ADAM18: variants seen among roughly 807,000 people sequenced by gnomAD.
ADAM18 encodes disintegrin and metalloproteinase domain-containing protein 18.
A neutral mutation model predicts 94.4 loss-of-function variants in ADAM18; 117 were observed. The ratio of observed to expected loss-of-function variants is 1.24; its 90% CI spans 1.07 to 1.45. ADAM18 has a LOEUF of 1.45. Among genes scored for constraint, ADAM18 ranks in the 40% most tolerant of loss-of-function variants. The probability of loss-of-function intolerance (pLI) is 0.00; values close to 1 mark genes in which losing one functional copy is unlikely to be tolerated. For missense variants in ADAM18, 936 were observed against 880.0 expected (o/e 1.06, Z -0.81); for synonymous variants, 327 against 291.6 (o/e 1.12, Z -1.24).
At chr8:39,710,299 A>C (rs77865013) in intron 18 of ADAM18, among the ~76,000 whole-genome samples, 4,744 of 152,320 alleles carry the variant, frequency 0.031, 253 homozygotes, top group African/African-American at 0.11. Context: ...ACATTTGAGA[A>C]AGGAAAAATA....
chr8:39,596,191 C>T (rs1272087335), intron 2 of ADAM18, among the ~76,000 whole-genome samples: 2 of 152,170 alleles, frequency 1.3e-5, no homozygotes, highest in Non-Finnish European at 2.9e-5. Context: ...TCTATATTGA[C>T]ACATCATCAC....
At chr8:39,716,564 A>C (rs1283922363) in intron 18 of ADAM18, among the ~76,000 whole-genome samples, 1 of 151,922 alleles carries the variant, frequency 6.6e-6, no homozygotes, top group African/African-American at 2.4e-5. Flanking sequence ...GAAGATACTT[A>C]TTCTGATTTC....
At chr8:39,723,221 GAT>G (rs539451008) in intron 18 of ADAM18, among the ~76,000 whole-genome samples, 121 of 151,444 alleles carry the variant, frequency 8.0e-4, no homozygotes, top group Admixed American at 1.6e-3. Context: ...TGAGTGGAAA[GAT>G]ATACACATAC....
intron 6 of ADAM18, among the ~76,000 whole-genome samples, chr8:39,612,291 T>C (rs1819302145): frequency 6.6e-6 from 1 of 152,098 alleles, no homozygotes; most frequent in African/African-American, 2.4e-5. Context: ...GTAGACCCTG[T>C]GCTGAATGGG....
chr8:39,641,640 G>GT (rs1434365509), intron 10 of ADAM18, among the ~76,000 whole-genome samples: 1 of 151,934 alleles, frequency 6.6e-6, no homozygotes, highest in Non-Finnish European at 1.5e-5. Flanking sequence ...GTGGTATTTG[G>GT]TTTTCTGTTC....
At chr8:39,652,393 G>A (rs1043973935) in intron 12 of ADAM18, among the ~76,000 whole-genome samples, 3 of 152,078 alleles carry the variant, frequency 2.0e-5, no homozygotes, top group African/African-American at 7.2e-5. Flanking sequence ...GACCTGAATA[G>A]ACATTGCTCA....
At chr8:39,616,511 A>G (rs1819445381) in intron 6 of ADAM18, among the ~76,000 whole-genome samples, 1 of 152,228 alleles carries the variant, frequency 6.6e-6, no homozygotes, top group Non-Finnish European at 1.5e-5. Flanking sequence ...ACGCAATTAG[A>G]CAAAACTATT....
intron 11 of ADAM18, 46 bp downstream of exon 11, chr8:39,645,520 G>T: frequency 3.9e-6 from 6 of 1,545,264 alleles, no homozygotes; most frequent in Non-Finnish European, 5.2e-6. Context: ...TTATAAGGTT[G>T]TTTCCAAAAT....
chr8:39,631,446 T>C (rs987150652), intron 7 of ADAM18, among the ~76,000 whole-genome samples: 11 of 151,944 alleles, frequency 7.2e-5, no homozygotes, highest in African/African-American at 2.7e-4. Context: ...AAAATGTCTC[T>C]TACTCCATTC....
At position 39,621,463 on chromosome 8, in the gene ADAM18, AT is replaced by A. The variant is rs935334859; in HGVS notation, c.523-7902del. ...ATCTTTGGCATTTTCTAGTGTTTCA[AT>A]TTTTTTTTATTTTTAAGTATAAAAT... On this transcript the variant is annotated intron_variant, in intron 6 of 19. Coordinates refer to ENST00000265707, the MANE Select transcript of ADAM18 (RefSeq NM_014237.3). 1.5e-3 allele frequency among the ~76,000 whole-genome samples: 232 copies of A among 151,180 alleles called. 1 individual carries two copies. The highest frequency in any genetic ancestry group is 5.0e-3 in the African/African-American group (205 of 41,306).
chr8:39,602,254 G>C (rs1205696463), intron 2 of ADAM18, among the ~76,000 whole-genome samples: 1 of 152,046 alleles, frequency 6.6e-6, no homozygotes, highest in African/African-American at 2.4e-5. Flanking sequence ...TTTTTTGGAT[G>C]AACCTCTCTA....
At chr8:39,609,874 A>C (rs1819212595) in intron 5 of ADAM18, among the ~76,000 whole-genome samples, 1 of 152,142 alleles carries the variant, frequency 6.6e-6, no homozygotes, top group African/African-American at 2.4e-5. Flanking sequence ...GGCATTAGTT[A>C]GTTATATAAA....
intron 12 of ADAM18, among the ~76,000 whole-genome samples, chr8:39,654,956 T>C (rs1021690416): frequency 1.3e-5 from 2 of 152,166 alleles, no homozygotes; most frequent in African/African-American, 4.8e-5. Flanking sequence ...AAATGTGTAA[T>C]TGGCAAATAT....
rs143422939 is a variant in ADAM18 at position 39,631,898 on chromosome 8, T to C, written c.588+2459T>C. 1.6e-3 allele frequency among the ~76,000 whole-genome samples: 251 copies of C among 152,146 alleles called. 3 individuals are homozygous for C. Among genetic ancestry groups the C allele is most frequent in the African/African-American group, 5.7e-3 (237 of 41,556 alleles). On this transcript the variant is annotated intron_variant, in intron 7 of 19. Transcript: ENST00000265707. Reference sequence around the variant, plus strand: ...AACATCTTTGTTAGTTTTATTGTTATGCATTTGATGATTTTGTGATGCCCT... The same window carrying C: ...AACATCTTTGTTAGTTTTATTGTTACGCATTTGATGATTTTGTGATGCCCT...
chr8:39,727,136 C>T (rs1309221818), intron 19 of ADAM18, among the ~76,000 whole-genome samples: 1 of 152,188 alleles, frequency 6.6e-6, no homozygotes, highest in East Asian at 1.9e-4. Context: ...CTCTGACCTA[C>T]TTGAACACAA....
intron 6 of ADAM18, 132 bp downstream of exon 6, chr8:39,610,838 A>G: frequency 7.8e-7 from 1 of 1,288,704 alleles, no homozygotes; most frequent in Non-Finnish European, 1.0e-6. Context: ...ACCTTTAAAT[A>G]AAACATTGAA....
chr8:39,727,943 G>T (rs762773327), intron 19 of ADAM18, among the ~76,000 whole-genome samples: 2 of 152,164 alleles, frequency 1.3e-5, no homozygotes, highest in Non-Finnish European at 2.9e-5. Flanking sequence ...TCACAGTTCT[G>T]CAGGCTTTAC....
chr8:39,594,798 T>C (rs919564202), intron 2 of ADAM18, among the ~76,000 whole-genome samples: 2 of 148,018 alleles, frequency 1.4e-5, no homozygotes, highest in Non-Finnish European at 3.0e-5. Context: ...TGTGAGTTTT[T>C]TTTTTTTTTT....
chr8:39,591,311 A>C (rs1818564126), intron 2 of ADAM18, among the ~76,000 whole-genome samples: 3 of 152,202 alleles, frequency 2.0e-5, no homozygotes, highest in Non-Finnish European at 4.4e-5. Context: ...TATAGTATGC[A>C]ATGCTGTTTG....
Sources: allele counts gnomAD v4.1 joint callset (sites outside exome capture counted in the v4.1 genomes callset), GRCh38; gene constraint gnomAD v4.1.1; transcripts MANE v1.5; gene names NCBI Gene and HGNC (gene_info 2026-07-23, HGNC 2026-07-21).